Variants in GRIK4 observed in about 807,000 individuals in gnomAD.
GRIK4 encodes glutamate receptor ionotropic, kainate 4.
A neutral mutation model predicts 104.9 loss-of-function variants in GRIK4; 40 were observed. That is an observed-to-expected ratio of 0.38 (90% CI 0.30 to 0.50). The LOEUF is 0.50. GRIK4 is among the 20% of genes least tolerant of loss of function. The pLI is 0.93. For missense variants in GRIK4, 1,047 were observed against 1,308.1 expected, an observed-to-expected ratio of 0.80 and a Z score of 3.08; for synonymous variants, 485 against 524.9, an observed-to-expected ratio of 0.92 and a Z score of 1.04.
Position 120,952,707 on chromosome 11 carries a change from G to A in GRIK4, c.1591-148G>A, listed in dbSNP as rs1944031360. 2 of 694,728 alleles carry A rather than the reference G, an allele frequency of 2.9e-6. No individual in the cohort carries two copies. The highest frequency in any genetic ancestry group is 5.2e-6 in the Non-Finnish European group (2 of 381,530). 43.0% of individuals were successfully genotyped at this position (694,728 alleles called of 1,614,324 possible). On this transcript the variant is annotated intron_variant, in intron 14 of 20. Transcript: ENST00000527524. The surrounding 1 kb of genome is among the most constrained non-coding windows in gnomAD (Gnocchi z 5.2). ...CAGCCCGGCAACACCCTCATTCCCA[G>A]TGTCATTTAAACCAATCACCCAGAA...
chr11:120,615,731 G>T (rs1949103709), intron 1 of GRIK4, among the ~76,000 whole-genome samples: 1 of 152,186 alleles, frequency 6.6e-6, no homozygotes, highest in South Asian at 2.1e-4. Flanking sequence ...ATTGCAGCTT[G>T]TGGGTGGGGA....
chr11:120,925,847 G>A (rs564949836), intron 13 of GRIK4, among the ~76,000 whole-genome samples: 4 of 151,996 alleles, frequency 2.6e-5, no homozygotes, highest in Middle Eastern at 3.4e-3. Flanking sequence ...GGTGGTGTGC[G>A]CCTGTAATCC....
intron 1 of GRIK4, among the ~76,000 whole-genome samples, chr11:120,608,653 A>G (rs896381645): frequency 7.2e-5 from 11 of 152,328 alleles, no homozygotes; most frequent in African/African-American, 1.4e-4. Context: ...AGCACTGTGT[A>G]GGTTGTGATG....
rs535170976 is a variant in GRIK4, at chr11:120,813,015, A to G, written c.248-2363A>G. Among the ~76,000 whole-genome samples, 3 of 152,340 alleles carry G rather than the reference A, an allele frequency of 2.0e-5. No individual in the cohort carries two copies. In the East Asian group the frequency reaches 5.8e-4, roughly 29 times the overall value. ...TCTAAAGAACAATGCAATCAGAACA[A>G]GTGCTGCAGAAAGAGAACAGGATGA... On this transcript the variant is annotated intron_variant, in intron 4 of 20. Transcript: ENST00000527524.
chr11:120,960,470 G>A (rs185780382), intron 16 of GRIK4, among the ~76,000 whole-genome samples: 48 of 152,300 alleles, frequency 3.2e-4, no homozygotes, highest in Admixed American at 2.5e-3. Flanking sequence ...GATGTAGCTC[G>A]TGGTAGCTGC....
chr11:120,740,041 G>A (rs973955127), intron 3 of GRIK4, among the ~76,000 whole-genome samples: 1 of 152,202 alleles, frequency 6.6e-6, no homozygotes, highest in African/African-American at 2.4e-5. Context: ...ACAGATGGCT[G>A]GTTTGCATTA....
intron 3 of GRIK4, among the ~76,000 whole-genome samples, chr11:120,674,269 A>G (rs1173188641): frequency 1.3e-5 from 2 of 152,130 alleles, no homozygotes; most frequent in Non-Finnish European, 2.9e-5. Context: ...TTCATCCACT[A>G]TAGGTATCTG....
At chr11:120,732,682 C>G (rs903627832) in intron 3 of GRIK4, among the ~76,000 whole-genome samples, 1 of 151,984 alleles carries the variant, frequency 6.6e-6, no homozygotes, top group Non-Finnish European at 1.5e-5. Context: ...TAGTTTTATT[C>G]CATTGTGGTC....
chr11:120,692,123 A>C (rs886725194), intron 3 of GRIK4, among the ~76,000 whole-genome samples: 4 of 152,164 alleles, frequency 2.6e-5, no homozygotes, highest in African/African-American at 7.2e-5. Flanking sequence ...AGAGTGGCCA[A>C]GTGTCAGTGG....
intron 1 of GRIK4, among the ~76,000 whole-genome samples, chr11:120,634,481 G>C (rs7102048): frequency 0.098 from 14,869 of 152,040 alleles, 1,075 homozygotes; most frequent in African/African-American, 0.2. Flanking sequence ...CCTCCCCCAA[G>C]GGTTCTGCAG....
At chr11:120,883,305 T>C (rs1430953555) in intron 11 of GRIK4, among the ~76,000 whole-genome samples, 2 of 152,202 alleles carry the variant, frequency 1.3e-5, no homozygotes, top group Non-Finnish European at 2.9e-5. Context: ...CTAAAGCTAC[T>C]GTTCACCAAG....
intron 3 of GRIK4, among the ~76,000 whole-genome samples, chr11:120,714,761 G>T (rs1446562810): frequency 1.3e-5 from 2 of 152,216 alleles, no homozygotes; most frequent in Non-Finnish European, 2.9e-5. Flanking sequence ...AGTCAAGAGA[G>T]AATATGATTC....
intron 1 of GRIK4, among the ~76,000 whole-genome samples, chr11:120,639,262 A>G (rs1949440045): frequency 1.3e-5 from 2 of 152,214 alleles, no homozygotes. Context: ...CAAAGCCTAC[A>G]AAGCACAAGC....
At chr11:120,535,882 C>T (rs1157884161) in intron 1 of GRIK4, among the ~76,000 whole-genome samples, 1 of 152,228 alleles carries the variant, frequency 6.6e-6, no homozygotes, top group Non-Finnish European at 1.5e-5. Context: ...CAGTAGGCAT[C>T]ACTGTACCTT....
chr11:120,827,907 T>C (rs1343242659), intron 6 of GRIK4, among the ~76,000 whole-genome samples: 1 of 152,190 alleles, frequency 6.6e-6, no homozygotes, highest in Non-Finnish European at 1.5e-5. Flanking sequence ...GGAAGAGTTA[T>C]TCCTTACGTT....
chr11:120,882,192 C>T (rs568871441), intron 11 of GRIK4, among the ~76,000 whole-genome samples: 1 of 152,268 alleles, frequency 6.6e-6, no homozygotes, highest in East Asian at 1.9e-4. Flanking sequence ...GCTCCAGCCC[C>T]TCCTGTGCTA....
chr11:120,862,369 C>G (rs1276241251), intron 9 of GRIK4: 1 of 399,782 alleles, frequency 2.5e-6, no homozygotes, highest in Middle Eastern at 6.4e-4. Flanking sequence ...GGCTGCAAGT[C>G]CCCTGTGGCC....
chr11:120,568,640 G>A (rs768877603), intron 1 of GRIK4, among the ~76,000 whole-genome samples: 17 of 152,050 alleles, frequency 1.1e-4, no homozygotes, highest in Non-Finnish European at 1.9e-4. Context: ...CACCTACCTC[G>A]GCCCCCCAAA....
intron 3 of GRIK4, among the ~76,000 whole-genome samples, chr11:120,797,888 C>T (rs1238088102): frequency 1.3e-5 from 2 of 152,152 alleles, no homozygotes; most frequent in East Asian, 3.9e-4. Flanking sequence ...ACTCATTTTC[C>T]CTCTGTCTCA....
Sources: allele counts gnomAD v4.1 joint callset (sites outside exome capture counted in the v4.1 genomes callset), GRCh38; gene constraint gnomAD v4.1.1; non-coding constraint Gnocchi (gnomAD v3.1); transcripts MANE v1.5; gene names NCBI Gene and HGNC (gene_info 2026-07-23, HGNC 2026-07-21).